Variants in PLEKHG5 observed in about 807,000 individuals in gnomAD.
The protein encoded by PLEKHG5 is pleckstrin homology domain-containing family G member 5.
A neutral mutation model predicts 103.8 loss-of-function variants in PLEKHG5; 52 were observed. That is an observed-to-expected ratio of 0.50 (90% CI 0.40 to 0.63). PLEKHG5 has a LOEUF of 0.63. Among genes scored for constraint, PLEKHG5 ranks in the 30% least tolerant of loss-of-function variants. The pLI is 0.00. For synonymous variants in PLEKHG5, 592 were observed against 575.5 expected (o/e 1.03, Z -0.41); for missense variants, 1,205 against 1,347.6 (o/e 0.89, Z 1.66).
chr1:6,471,708 G>A (rs1283455827), intron 11 of PLEKHG5, 50 bp downstream of exon 11: 2 of 1,579,042 alleles, frequency 1.3e-6, no homozygotes, highest in Non-Finnish European at 1.7e-6. Context: ...TCCAGGTCCC[G>A]CCCTCCTTCC....
At position 6,505,800 on chromosome 1, in the gene PLEKHG5, G is replaced by A. The variant is rs1428549415; in HGVS notation, c.-164-9231C>T. On this transcript the variant is annotated intron_variant, in intron 1 of 21. Coordinates refer to the PLEKHG5 transcript ENST00000377740. This position sits in a 1 kb window ranked among gnomAD's most constrained non-coding sequence, Gnocchi z 4.2. Reference sequence around the variant, plus strand: ...CCCAGCCAGGCCAGCCCTGGAGGAAGGACAGCCTCCTCAGCTGCTTGCCTG... The same window carrying A: ...CCCAGCCAGGCCAGCCCTGGAGGAAAGACAGCCTCCTCAGCTGCTTGCCTG... Among the ~76,000 whole-genome samples the A allele has an allele frequency of 6.6e-6, 1 of 152,236 alleles. No homozygotes were observed. Among genetic ancestry groups the A allele is most frequent in the African/African-American group, 2.4e-5 (1 of 41,466 alleles).
At position 6,491,285 on chromosome 1, in the gene PLEKHG5, A is replaced by T. The variant is rs1184029959; in HGVS notation, c.-88+352T>A. Among the ~76,000 whole-genome samples the T allele has an allele frequency of 1.3e-5, 2 of 151,992 alleles. No individual in the cohort carries two copies. The highest frequency in any genetic ancestry group is 1.3e-4 in the Admixed American group (2 of 15,244). The stretch of plus-strand genomic sequence containing the variant: ...TCCACCAACCTGTTCCGCACTTTCA[A>T]GCTTTTTATACAGCCTTCCCCCGAC... On this transcript the variant is annotated intron_variant, in intron 1 of 20. Transcript: ENST00000377728. This position sits in a 1 kb window ranked among gnomAD's most constrained non-coding sequence, Gnocchi z 4.1.
chr1:6,487,176 C>T lies in PLEKHG5; in HGVS notation c.-88+4461G>A, dbSNP rs1468668656. Among the ~76,000 whole-genome samples the T allele has an allele frequency of 6.6e-6, 1 of 152,154 alleles. No individual in the cohort carries two copies. Among genetic ancestry groups the T allele is most frequent in the Admixed American group, 6.5e-5 (1 of 15,278 alleles). On this transcript the variant is annotated intron_variant, in intron 1 of 20. Coordinates refer to ENST00000377728, the MANE Select transcript of PLEKHG5 (RefSeq NM_020631.6). This position sits in a 1 kb window ranked among gnomAD's most constrained non-coding sequence, Gnocchi z 4.1. ...TGTCACTCACGTTGGAGTGCAGTGGCATGATCCCAGCTCACTACGACCTCC... is the reference window on the plus strand; with the variant it reads ...TGTCACTCACGTTGGAGTGCAGTGGTATGATCCCAGCTCACTACGACCTCC...
chr1:6,471,592 G>C lies in PLEKHG5; in HGVS notation c.1177C>G (p.Leu393Val). Residue 393 changes from leucine to valine, a missense_variant, in exon 12 of 21, where the codon CTG becomes GTG. Coordinates refer to ENST00000377728, the MANE Select transcript of PLEKHG5 (RefSeq NM_020631.6). ...LFSNIPEIAQ[L>V]HRRLWASVMA... Reference sequence around the variant, plus strand: ...ACGCTAGCCCACAGCCTGCGGTGCAGCTGCGCGATCTCCGGGATGTTGCTG... The same window carrying C: ...ACGCTAGCCCACAGCCTGCGGTGCACCTGCGCGATCTCCGGGATGTTGCTG... 6.3e-7 allele frequency: 1 copy of C among 1,597,822 alleles called. No homozygotes were observed. Among genetic ancestry groups the C allele is most frequent in the Non-Finnish European group, 8.5e-7 (1 of 1,173,260 alleles).
At position 6,514,909 on chromosome 1, in the gene PLEKHG5, A is replaced by G. The variant is rs201522482; in HGVS notation, c.-165+4536T>C. Among the ~76,000 whole-genome samples, 5 of 148,114 alleles carry G rather than the reference A, an allele frequency of 3.4e-5. No individual in the cohort carries two copies. In the East Asian group the frequency reaches 1.0e-3, roughly 30 times the overall value. On this transcript the variant is annotated intron_variant, in intron 1 of 21. Coordinates refer to the PLEKHG5 transcript ENST00000377740. ...ATAGTGAAACCCCAACTCTATTAAA[A>G]ATACAAAAAATTAGCCAGGCATTAA...
rs542531545 is a variant in PLEKHG5, at chr1:6,468,510, C to T, written c.2326G>A (p.Asp776Asn). 19 of 1,612,988 alleles carry T rather than the reference C, an allele frequency of 1.2e-5. No individual in the cohort carries two copies. The highest frequency in any genetic ancestry group is 9.9e-5 in the South Asian group (9 of 91,064). ...GACTGGGAGCTGAAAGGACCGCTGT[C>T]GAACTCGGGGGAGGACAGCGTGTCC... ...PGDTLSSPEF[D>N]SGPFSSQSDE... is the part of the protein sequence containing the mutation. The change falls in exon 20 of 21, where the codon GAC (aspartate) becomes AAC (asparagine). Residue 776 changes from aspartate (D) to asparagine (N), a missense_variant. Asp to Asn is a conservative substitution (Grantham distance 23, BLOSUM62 1). Transcript: ENST00000377728.
rs1259514220 is a variant in PLEKHG5 at position 6,486,803 on chromosome 1, A to G, written c.-88+4834T>C. Among the ~76,000 whole-genome samples, 2 of 152,212 alleles carry G rather than the reference A, an allele frequency of 1.3e-5. No homozygotes were observed. Among genetic ancestry groups the G allele is most frequent in the Non-Finnish European group, 2.9e-5 (2 of 68,040 alleles). Reference sequence around the variant, plus strand: ...GCGTGGGGGATAAAGTGACATAAAGAGACAAAAGTCTACAGGCAAGACTGA... The same window carrying G: ...GCGTGGGGGATAAAGTGACATAAAGGGACAAAAGTCTACAGGCAAGACTGA... On this transcript the variant is annotated intron_variant, in intron 1 of 20. Coordinates refer to ENST00000377728, the MANE Select transcript of PLEKHG5 (RefSeq NM_020631.6). The surrounding 1 kb of genome is among the most constrained non-coding windows in gnomAD (Gnocchi z 5.3).
chr1:6,477,497 G>A, intron 2 of PLEKHG5, 32 bp downstream of exon 2: 1 of 1,606,084 alleles, frequency 6.2e-7, no homozygotes, highest in Non-Finnish European at 8.5e-7. Context: ...AGGAGCTCTG[G>A]GGGCCGAGCT....
upstream of PLEKHG5, among the ~76,000 whole-genome samples, chr1:6,500,041 A>T (rs923645550): frequency 1.3e-5 from 2 of 152,110 alleles, no homozygotes; most frequent in African/African-American, 4.8e-5. Context: ...GCTTCAAGGG[A>T]TCCTCCTGCC....
At chr1:6,496,673 T>C (rs1645230323) in exon 1 of PLEKHG5, 1 of 771,378 alleles carries the variant, frequency 1.3e-6, no homozygotes, top group East Asian at 3.1e-5. Context: ...TCCTCAGTCC[T>C]CCCTTCAAAA....
intron 1 of PLEKHG5, chr1:6,485,354 G>A (rs917659260): frequency 5.6e-6 from 8 of 1,422,160 alleles, no homozygotes; most frequent in Middle Eastern, 2.1e-4. Context: ...CACGACCCCC[G>A]GCCCAGGAGG....
chr1:6,472,900 C>G, intron 9 of PLEKHG5, 86 bp downstream of exon 9: 1 of 1,314,570 alleles, frequency 7.6e-7, no homozygotes, highest in Non-Finnish European at 1.1e-6. Context: ...TTTGGGGCGT[C>G]CCATGGAACA....
chr1:6,498,947 G>A (rs1304466790), upstream of PLEKHG5, among the ~76,000 whole-genome samples: 1 of 152,200 alleles, frequency 6.6e-6, no homozygotes, highest in Non-Finnish European at 1.5e-5. Context: ...GGGTGGAGTG[G>A]GGTTCGGGGC....
Position 6,473,011 on chromosome 1 carries a change from C to T in PLEKHG5, c.959G>A (p.Trp320Ter). The T allele has an allele frequency of 1.2e-6, 2 of 1,614,088 alleles. No individual in the cohort carries two copies. Residue 320 changes from tryptophan to a stop codon, truncating the protein, a stop_gained, in exon 9 of 21, where the codon TGG becomes TAG. Transcript: ENST00000377728. LOFTEE classifies it high-confidence loss of function. ...DNACLRLEDS[W>*]RELIDGHEKL... The stretch of plus-strand genomic sequence containing the variant: ...CTCATGCCCATCAATGAGCTCCCGC[C>T]AGCTGTCCTCCAGCCTCAGGCAGGC...
intron 1 of PLEKHG5, among the ~76,000 whole-genome samples, chr1:6,515,060 AAAAAT>A (rs1638577799): frequency 1.3e-5 from 2 of 152,356 alleles, no homozygotes; most frequent in African/African-American, 2.4e-5. Flanking sequence ...CAAAAAATAA[AAAAAT>A]AAAATAAAAA....
intron 1 of PLEKHG5, among the ~76,000 whole-genome samples, chr1:6,510,216 C>T (rs1364265745): frequency 6.6e-6 from 1 of 152,208 alleles, no homozygotes; most frequent in Non-Finnish European, 1.5e-5. Context: ...CTAGCCACTC[C>T]CCCTGCCCTC....
intron 1 of PLEKHG5, among the ~76,000 whole-genome samples, chr1:6,478,070 G>A (rs1417259809): frequency 1.3e-5 from 2 of 151,878 alleles, no homozygotes. Flanking sequence ...ATTTTTAGTA[G>A]AGACAGGGTT....
chr1:6,501,374 T>C (rs1256442334), upstream of PLEKHG5, among the ~76,000 whole-genome samples: 1 of 152,224 alleles, frequency 6.6e-6, no homozygotes, highest in East Asian at 1.9e-4. This position sits in a 1 kb window ranked among gnomAD's most constrained non-coding sequence, Gnocchi z 4.3. Context: ...GATTGAAGGC[T>C]GCTGCCTTCA....
At chr1:6,482,720 G>GT (rs1055447280) in intron 1 of PLEKHG5, among the ~76,000 whole-genome samples, 2 of 152,076 alleles carry the variant, frequency 1.3e-5, no homozygotes, top group Non-Finnish European at 2.9e-5. Context: ...ATTTATTTAT[G>GT]TTTTTTGCGA....
Sources: allele counts gnomAD v4.1 joint callset (sites outside exome capture counted in the v4.1 genomes callset), GRCh38; gene constraint gnomAD v4.1.1; non-coding constraint Gnocchi (gnomAD v3.1); transcripts MANE v1.5; gene names NCBI Gene and HGNC (gene_info 2026-07-23, HGNC 2026-07-21).